Variants in RAET1E observed in about 807,000 individuals in gnomAD.
The protein encoded by RAET1E is retinoic acid early transcript 1E.
Under a neutral mutation model 21.1 loss-of-function variants are expected in RAET1E, and 27 were observed. The ratio of observed to expected loss-of-function variants is 1.28; its 90% CI spans 0.94 to 1.76. The LOEUF is 1.76. Among genes scored for constraint, RAET1E ranks in the 40% most tolerant of loss-of-function variants. RAET1E has a pLI of 0.00. For synonymous variants in RAET1E, 113 were observed against 115.0 expected, an observed-to-expected ratio of 0.98 and a Z score of 0.11; for missense variants, 310 against 311.3, an observed-to-expected ratio of 1.00 and a Z score of 0.03.
chr6:149,888,596 C>T lies in RAET1E; in HGVS notation c.694G>A (p.Ala232Thr), dbSNP rs1284151259. The T allele has an allele frequency of 1.2e-6, 2 of 1,612,866 alleles. No homozygotes were observed. The highest frequency in any genetic ancestry group is 1.7e-5 in the Admixed American group (1 of 59,816). ...CCCATTAAAACTAACAGGATGAATGCCCCCAGGATGATCCATCTATCTGGT... is the reference window on the plus strand; with the variant it reads ...CCCATTAAAACTAACAGGATGAATGTCCCCAGGATGATCCATCTATCTGGT... The part of the protein sequence containing the change: ...SLPDRWIILG[A>T]FILLVLMGIV... The change falls in exon 6 of 6, where the codon GCA (alanine) becomes ACA (threonine). Residue 232 changes from alanine (A) to threonine (T), a missense_variant. Physicochemically the swap from Ala to Thr is moderately conservative, Grantham distance 58. Coordinates refer to ENST00000357183, the MANE Select transcript of RAET1E (RefSeq NM_001394057.1).
intron 2 of RAET1E, among the ~76,000 whole-genome samples, chr6:149,894,149 T>A (rs1297878451): frequency 1.4e-5 from 2 of 142,654 alleles, no homozygotes; most frequent in Admixed American, 7.5e-5. Flanking sequence ...GCCTGAAATT[T>A]TATTTTTTTG....
At chr6:149,889,184 G>A in intron 5 of RAET1E, 164 bp downstream of exon 5, 1 of 1,442,160 alleles carries the variant, frequency 6.9e-7, no homozygotes, top group Non-Finnish European at 9.0e-7. Context: ...GGATGGGAAA[G>A]GGAGGATGGT....
chr6:149,886,470 C>G lies in RAET1E; in HGVS notation c.*2028G>C, dbSNP rs754192499. 6.6e-6 allele frequency among the ~76,000 whole-genome samples: 1 copy of G among 152,242 alleles called. No individual in the cohort carries two copies. Among genetic ancestry groups the G allele is most frequent in the Non-Finnish European group, 1.5e-5 (1 of 68,046 alleles). On this transcript the variant is annotated 3_prime_UTR_variant, in exon 6 of 6. Transcript: ENST00000357183. ...AGTGCAATGGCGCAATATCAGCTCA[C>G]TGCAAACTCCGCCTCCTGAGTTCAA... is the stretch of plus-strand genomic sequence containing the variant.
At chr6:149,889,776 T>C in intron 4 of RAET1E, 109 bp downstream of exon 4, 1 of 1,493,560 alleles carries the variant, frequency 6.7e-7, no homozygotes, top group Non-Finnish European at 9.1e-7. Flanking sequence ...GCCTCTATGG[T>C]TGGGCCAATG....
rs1777741775 is a variant in RAET1E at position 149,888,793 on chromosome 6, C to G, written c.623-126G>C. The G allele has an allele frequency of 2.8e-5, 38 of 1,363,666 alleles. No homozygotes were observed. The South Asian group carries it at 4.8e-4, about 17-fold the overall frequency. 84.5% of individuals were successfully genotyped at this position (1,363,666 alleles called of 1,614,324 possible). ...ACATGGTGCCCCACATAATCACTGGCTCATGTGACAGCCACTCTACCAGGC... is the reference window on the plus strand; with the variant it reads ...ACATGGTGCCCCACATAATCACTGGGTCATGTGACAGCCACTCTACCAGGC... On this transcript the variant is annotated intron_variant, in intron 5 of 5. Transcript: ENST00000357183.
At chr6:149,891,499 T>TGTGTGTGC (rs1777894494) in intron 2 of RAET1E, among the ~76,000 whole-genome samples, 1 of 152,056 alleles carries the variant, frequency 6.6e-6, no homozygotes. Flanking sequence ...TGTGTGTGTG[T>TGTGTGTGC]GTGTGTAATT....
rs1403277474 is a variant in RAET1E at position 149,886,229 on chromosome 6, T to G, written c.*2269A>C. On this transcript the variant is annotated 3_prime_UTR_variant, in exon 6 of 6. Coordinates refer to ENST00000357183, the MANE Select transcript of RAET1E (RefSeq NM_001394057.1). ...TTTCAAAATACTTTCTAGTTTTCCT[T>G]GTACTTTTTAATTTGATATATAGTT... is the stretch of plus-strand genomic sequence containing the variant. 1.3e-5 allele frequency among the ~76,000 whole-genome samples: 2 copies of G among 152,228 alleles called. No individual in the cohort carries two copies. Among genetic ancestry groups the G allele is most frequent in the Admixed American group, 1.3e-4 (2 of 15,282 alleles).
At chr6:149,897,935 G>A (rs1562471520) in intron 1 of RAET1E, 86 bp downstream of exon 1, 1 of 150,234 alleles carries the variant, frequency 6.7e-6, no homozygotes, top group African/African-American at 2.5e-5. Flanking sequence ...CACCACTCGA[G>A]CCCCTGCTTT....
In RAET1E at chr6:149,887,036, G is replaced by A. The variant is rs1325900468; in HGVS notation, c.*1462C>T. Among the ~76,000 whole-genome samples the A allele has an allele frequency of 2.6e-5, 4 of 152,222 alleles. No homozygotes were observed. In the East Asian group the frequency reaches 7.7e-4, roughly 29 times the overall value. On this transcript the variant is annotated 3_prime_UTR_variant, in exon 6 of 6. Transcript: ENST00000357183. ...CAGGCCCACTCTGCCTCCCACTTCT[G>A]TTCAGCTCAGCTGTGGGCACTGACC...
At chr6:149,894,721 G>T (rs1265783501) in intron 2 of RAET1E, among the ~76,000 whole-genome samples, 1 of 152,050 alleles carries the variant, frequency 6.6e-6, no homozygotes, top group African/African-American at 2.4e-5. Flanking sequence ...GTTAGAACAT[G>T]CTCCTTTAGC....
In RAET1E at chr6:149,889,555, G is replaced by A; in HGVS notation, c.415C>T (p.Gln139Ter). 1 of 1,614,166 alleles carries A rather than the reference G, an allele frequency of 6.2e-7. No homozygotes were observed. Among genetic ancestry groups the A allele is most frequent in the Non-Finnish European group, 8.5e-7 (1 of 1,180,036 alleles). ...EAERCTGASW[Q>*]FATNGEKSLL... ...GATTTCTCTCCATTGGTGGCGAACTGCCAGGATGCACCAGTGCACCGTTCT... is the reference window on the plus strand; with the variant it reads ...GATTTCTCTCCATTGGTGGCGAACTACCAGGATGCACCAGTGCACCGTTCT... Residue 139 changes from glutamine (Q) to a stop codon, truncating the protein, a stop_gained, in exon 5 of 6, where the codon CAG (glutamine) becomes TAG (stop). Coordinates refer to ENST00000357183, the MANE Select transcript of RAET1E (RefSeq NM_001394057.1). LOFTEE classifies it high-confidence loss of function.
intron 3 of RAET1E, 81 bp from the exon 4 acceptor site, chr6:149,890,226 C>A (rs938617358): frequency 1.3e-6 from 2 of 1,505,018 alleles, no homozygotes; most frequent in Non-Finnish European, 1.8e-6. Flanking sequence ...CCAAGACTCC[C>A]TGGACTGGGC....
chr6:149,890,250 G>C, intron 3 of RAET1E, 105 bp from the exon 4 acceptor site: 1 of 1,275,222 alleles, frequency 7.8e-7, no homozygotes, highest in Non-Finnish European at 1.1e-6. Context: ...GCTAGCAGAG[G>C]CGGGGCAGCT....
chr6:149,886,514 C>T lies in RAET1E; in HGVS notation c.*1984G>A, dbSNP rs919539089. Among the ~76,000 whole-genome samples the T allele has an allele frequency of 2.6e-5, 4 of 152,230 alleles. No homozygotes were observed. The highest frequency in any genetic ancestry group is 6.5e-5 in the Admixed American group (1 of 15,284). ...AGTTCAAGCGATTCTCCTGTCTCAG[C>T]CTCCCGAGTAGCTGGGATTACAGGC... On this transcript the variant is annotated 3_prime_UTR_variant, in exon 6 of 6. Coordinates refer to ENST00000357183, the MANE Select transcript of RAET1E (RefSeq NM_001394057.1).
At chr6:149,892,673 A>G (rs951072259) in intron 2 of RAET1E, among the ~76,000 whole-genome samples, 1 of 152,080 alleles carries the variant, frequency 6.6e-6, no homozygotes, top group Non-Finnish European at 1.5e-5. Context: ...CACTCTGATG[A>G]TAGTTTCTTT....
At position 149,888,540 on chromosome 6, in the gene RAET1E, A is replaced by G. The variant is rs200911537; in HGVS notation, c.750T>C (p.Asn250=). Residue 250 remains asparagine (N), a synonymous_variant, in exon 6 of 6, where the codon AAT becomes AAC. Coordinates refer to ENST00000357183, the MANE Select transcript of RAET1E (RefSeq NM_001394057.1). ...GCCAGAGACCAGCCTGCCACTCACC[A>G]TTTTGCCACCAGACACAGATGAGAA... ...GIVLICVWWQ[N]GEWQAGLWPL... 1 of 1,613,792 alleles carries G rather than the reference A, an allele frequency of 6.2e-7. No individual in the cohort carries two copies. The highest frequency in any genetic ancestry group is 2.2e-5 in the East Asian group (1 of 44,856).
chr6:149,889,966 C>T lies in RAET1E; in HGVS notation c.265G>A (p.Glu89Lys), dbSNP rs765215212. Residue 89 changes from glutamate (E) to lysine (K), a missense_variant, in exon 4 of 6, where the codon GAA becomes AAA. Transcript: ENST00000357183. ...ACTTCTCCCAGCGTTTGGGTCAATTCTCCCCAAGTGCTGGTGGCATATACC... is the reference window on the plus strand; with the variant it reads ...ACTTCTCCCAGCGTTTGGGTCAATTTTCCCCAAGTGCTGGTGGCATATACC... ...KKVYATSTWG[E>K]LTQTLGEVGR... 22 of 1,614,016 alleles carry T rather than the reference C, an allele frequency of 1.4e-5. No individual in the cohort carries two copies. The Admixed American group carries it at 3.3e-4, about 24-fold the overall frequency.
rs189048513 is a variant in RAET1E, at chr6:149,892,552, G to A, written c.-133-1518C>T. Among the ~76,000 whole-genome samples the A allele has an allele frequency of 1.6e-4, 24 of 152,166 alleles. No homozygotes were observed. In the East Asian group the frequency reaches 1.9e-3, roughly 12 times the overall value. ...TATACTTTGCCCATTTTTTGATGGGGTTGTTTTTTTTCTAGTAAATTTGTT... is the reference window on the plus strand; with the variant it reads ...TATACTTTGCCCATTTTTTGATGGGATTGTTTTTTTTCTAGTAAATTTGTT... On this transcript the variant is annotated intron_variant, in intron 2 of 5. Coordinates refer to ENST00000357183, the MANE Select transcript of RAET1E (RefSeq NM_001394057.1).
intron 2 of RAET1E, among the ~76,000 whole-genome samples, chr6:149,894,159 G>A (rs6933639): frequency 0.035 from 5,228 of 149,396 alleles, 297 homozygotes; most frequent in African/African-American, 0.12. Context: ...TTATTTTTTT[G>A]TTGTGTCTCT....
Sources: allele counts gnomAD v4.1 joint callset (sites outside exome capture counted in the v4.1 genomes callset), GRCh38; gene constraint gnomAD v4.1.1; transcripts MANE v1.5; gene names NCBI Gene and HGNC (gene_info 2026-07-23, HGNC 2026-07-21).